The following FASTKD3 variants were observed in gnomAD, a reference collection of about 807,000 sequenced individuals.
FASTKD3 encodes the protein FAST kinase domains 3.
A neutral mutation model predicts 49.7 loss-of-function variants in FASTKD3; 47 were observed. That is an observed-to-expected ratio of 0.95 (90% CI 0.75 to 1.21). The LOEUF is 1.21. Ranked by LOEUF, FASTKD3 falls within the 50% of genes most tolerant of loss-of-function variation. The pLI is 0.00. For missense variants in FASTKD3, 748 were observed against 765.7 expected (o/e 0.98, Z 0.27); for synonymous variants, 284 against 288.6 (o/e 0.98, Z 0.16).
chr5:7,863,920 G>A (rs983777158), intron 3 of FASTKD3, among the ~76,000 whole-genome samples: 1 of 151,932 alleles, frequency 6.6e-6, no homozygotes, highest in Non-Finnish European at 1.5e-5. Flanking sequence ...ACGCGACCTC[G>A]GCTCACTGCA....
At chr5:7,864,621 C>A (rs1746802031) in intron 3 of FASTKD3, among the ~76,000 whole-genome samples, 1 of 152,190 alleles carries the variant, frequency 6.6e-6, no homozygotes, top group Admixed American at 6.5e-5. Context: ...AAATGGCCAA[C>A]ACATATTTGA....
At chr5:7,864,410 C>T (rs1459066583) in intron 3 of FASTKD3, among the ~76,000 whole-genome samples, 1 of 151,818 alleles carries the variant, frequency 6.6e-6, no homozygotes, top group East Asian at 1.9e-4. Flanking sequence ...ATAGGAACCT[C>T]GGAAGTCATA....
At chr5:7,864,038 ACAGGGTTTCACCATG>A (rs1247756655) in intron 3 of FASTKD3, among the ~76,000 whole-genome samples, 1 of 152,114 alleles carries the variant, frequency 6.6e-6, no homozygotes, top group East Asian at 1.9e-4. Flanking sequence ...TTTAGTAGAG[ACAGGGTTTCACCATG>A]TTAGCAAGGC....
At chr5:7,862,671 A>G (rs1398590634) in intron 4 of FASTKD3, 152 bp downstream of exon 4, 2 of 667,074 alleles carry the variant, frequency 3.0e-6, no homozygotes, top group African/African-American at 1.8e-5. Context: ...TCTTGACTCA[A>G]CGGCTCTGCT....
At chr5:7,865,315 G>C (rs1205895863) in intron 3 of FASTKD3, among the ~76,000 whole-genome samples, 1 of 152,020 alleles carries the variant, frequency 6.6e-6, no homozygotes, top group Non-Finnish European at 1.5e-5. Context: ...TCAAAAATCA[G>C]ATACTCTAAA....
At chr5:7,868,394 T>A (rs761259604) in intron 1 of FASTKD3, among the ~76,000 whole-genome samples, 198 bp from the exon 2 acceptor site, 1 of 152,150 alleles carries the variant, frequency 6.6e-6, no homozygotes, top group Non-Finnish European at 1.5e-5. Flanking sequence ...GAGGAAGAAG[T>A]TGAAGCACAA....
rs771944109 is a variant in FASTKD3, at chr5:7,867,233, G to A, written c.851C>T (p.Ser284Phe). The change falls in exon 2 of 7, where the codon TCC becomes TTC. Residue 284 changes from serine (S) to phenylalanine (F), a missense_variant. By Grantham distance (155) the Ser-to-Phe change is radical. This residue lies in a region of FASTKD3 where 564 missense variants were observed against 562.8 expected (regional missense o/e 1.00). Transcript: ENST00000264669. Reference sequence around the variant, plus strand: ...ACTCAGGTTGGAAACTATTGATAGGGAAAAGTTGTTTATCTTATTTAAAAA... The same window carrying A: ...ACTCAGGTTGGAAACTATTGATAGGAAAAAGTTGTTTATCTTATTTAAAAA... ...QTFLNKINNF[S>F]LSIVSNLSPK... is the part of the protein sequence containing the mutation. The A allele has an allele frequency of 3.1e-6, 5 of 1,614,026 alleles. No individual in the cohort carries two copies. The highest frequency in any genetic ancestry group is 4.2e-6 in the Non-Finnish European group (5 of 1,180,024).
At chr5:7,861,422 T>C in intron 5 of FASTKD3, 159 bp from the exon 6 acceptor site, 1 of 609,348 alleles carries the variant, frequency 1.6e-6, no homozygotes, top group Admixed American at 3.7e-5. Context: ...ATATTAATGT[T>C]TATAAAATAT....
chr5:7,868,340 C>T (rs964955617), intron 1 of FASTKD3, 144 bp from the exon 2 acceptor site: 1 of 423,744 alleles, frequency 2.4e-6, no homozygotes, highest in Admixed American at 4.0e-5. Context: ...TGTAGGTATT[C>T]TATTAACTTA....
chr5:7,865,954 G>A lies in FASTKD3; in HGVS notation c.1468C>T (p.Arg490Trp), dbSNP rs544018328. ...AAGAAAAGTTGGGTCAGTTGTGCCC[G>A]ACTCAATGTGTCCAAATGAGATTCT... ...GKESHLDTLS[R>W]AQLTQLFLAS... The change falls in exon 3 of 7, where the codon CGG (arginine) becomes TGG (tryptophan). Residue 490 changes from arginine to tryptophan, a missense_variant. This residue lies in a region of FASTKD3 where 6 missense variants were observed against 20.6 expected (regional missense o/e 0.29). Coordinates refer to ENST00000264669, the MANE Select transcript of FASTKD3 (RefSeq NM_024091.4). 34 of 1,613,916 alleles carry A rather than the reference G, an allele frequency of 2.1e-5. 1 individual carries two copies. The highest frequency in any genetic ancestry group is 1.0e-4 in the Admixed American group (6 of 60,020).
chr5:7,863,768 TACA>T (rs1746720661), intron 3 of FASTKD3, among the ~76,000 whole-genome samples: 1 of 152,232 alleles, frequency 6.6e-6, no homozygotes, highest in Admixed American at 6.5e-5. Context: ...ATTCCAGGTG[TACA>T]ACATGCTGAC....
In FASTKD3 at chr5:7,867,064, C is replaced by G. The variant is rs150587526; in HGVS notation, c.1020G>C (p.Ala340=). 1.2e-6 allele frequency: 2 copies of G among 1,613,986 alleles called. No homozygotes were observed. Among genetic ancestry groups the G allele is most frequent in the African/African-American group, 1.3e-5 (1 of 74,894 alleles). The change falls in exon 2 of 7, where the codon GCG becomes GCC. Residue 340 remains alanine, a synonymous_variant. Coordinates refer to ENST00000264669, the MANE Select transcript of FASTKD3 (RefSeq NM_024091.4). ...TGTCATGGTGCCCAAAATATATGAACGCCTCCAAGACTCTCCTAAGCTCCT... is the reference window on the plus strand; with the variant it reads ...TGTCATGGTGCCCAAAATATATGAAGGCCTCCAAGACTCTCCTAAGCTCCT... The part of the protein sequence containing the change: ...TNEELRRVLE[A]FIYFGHHDTF...
intron 5 of FASTKD3, 89 bp downstream of exon 5, chr5:7,861,494 T>C (rs1013955366): frequency 4.2e-6 from 4 of 944,280 alleles, no homozygotes; most frequent in Non-Finnish European, 6.0e-6. Context: ...GAATCATATC[T>C]ATTTTTTTCA....
chr5:7,863,519 T>C (rs1746702141), intron 3 of FASTKD3, among the ~76,000 whole-genome samples: 1 of 152,232 alleles, frequency 6.6e-6, no homozygotes, highest in Non-Finnish European at 1.5e-5. Context: ...TTAGGGATGC[T>C]GAACTGGTAA....
rs922021992 is a variant in FASTKD3 at position 7,861,205 on chromosome 5, C to T, written c.1828G>A (p.Gly610Arg). 3 of 1,612,650 alleles carry T rather than the reference C, an allele frequency of 1.9e-6. No individual in the cohort carries two copies. Among genetic ancestry groups the T allele is most frequent in the Non-Finnish European group, 2.5e-6 (3 of 1,179,072 alleles). Residue 610 changes from glycine (G) to arginine (R), a missense_variant, in exon 6 of 7, where the codon GGG becomes AGG. Physicochemically the swap from Gly to Arg is moderately radical, Grantham distance 125. This residue lies in a region of FASTKD3 where 178 missense variants were observed against 182.2 expected (regional missense o/e 0.98). Transcript: ENST00000264669. ...TGTCTTTGTTTAATAGCTTCTTTCC[C>T]CAGTAAGTGTTTGCTATTGGAGCAA... Reference protein sequence around the residue: ...RFCSNSKHLLGKEAIKQRHLQ... With the variant: ...RFCSNSKHLLRKEAIKQRHLQ...
chr5:7,862,990 TTTGGACC>T lies in FASTKD3; in HGVS notation c.1525_1531del (p.Gly509AsnfsTer8). 2 of 1,612,622 alleles carry T rather than the reference TTTGGACC, an allele frequency of 1.2e-6. No individual in the cohort carries two copies. Among genetic ancestry groups the T allele is most frequent in the Non-Finnish European group, 1.7e-6 (2 of 1,179,526 alleles). The stretch of plus-strand genomic sequence containing the variant: ...CTTCACTTGATATTTAGGAAGGAGT[TTTGGACC>T]CTAAAAAATCATAAGTGCAAATGTG... On this transcript the variant is annotated frameshift_variant and splice_region_variant, in exon 4 of 7. Coordinates refer to ENST00000264669, the MANE Select transcript of FASTKD3 (RefSeq NM_024091.4). LOFTEE classifies it high-confidence loss of function.
In FASTKD3 at chr5:7,867,716, T is replaced by A; in HGVS notation, c.368A>T (p.Glu123Val). The A allele has an allele frequency of 6.2e-7, 1 of 1,614,248 alleles. No homozygotes were observed. The highest frequency in any genetic ancestry group is 8.5e-7 in the Non-Finnish European group (1 of 1,180,052). The change falls in exon 2 of 7, where the codon GAA (glutamate) becomes GTA (valine). Residue 123 changes from glutamate (E) to valine (V), a missense_variant. By Grantham distance (121) the Glu-to-Val change is moderately radical. Coordinates refer to ENST00000264669, the MANE Select transcript of FASTKD3 (RefSeq NM_024091.4). Reference sequence around the variant, plus strand: ...TGCTGCCATAGTGTCAGGCAGGGTTTCCATCGTGCTTATAAAACTTAGCAC... The same window carrying A: ...TGCTGCCATAGTGTCAGGCAGGGTTACCATCGTGCTTATAAAACTTAGCAC... The part of the protein sequence containing the change: ...EEVLSFISTM[E>V]TLPDTMAAGA...
chr5:7,866,531 C>T (rs535000195), intron 2 of FASTKD3, 115 bp downstream of exon 2: 15 of 770,652 alleles, frequency 1.9e-5, no homozygotes, highest in African/African-American at 5.2e-5. Flanking sequence ...GTCTCATCTT[C>T]GGATCACTAT....
intron 6 of FASTKD3, among the ~76,000 whole-genome samples, chr5:7,859,750 A>G (rs1746397142): frequency 1.3e-5 from 2 of 152,240 alleles, no homozygotes; most frequent in African/African-American, 4.8e-5. Flanking sequence ...TATTTGATGA[A>G]TTAATATGTA....
Sources: gnomAD v4.1 joint callset for allele counts (sites outside exome capture counted in the v4.1 genomes callset) on GRCh38, gnomAD v4.1.1 for gene constraint, gnomAD v4.1.1 regional missense constraint, MANE v1.5 for transcripts, NCBI Gene and HGNC (gene_info 2026-07-23, HGNC 2026-07-21) for gene names.